The following LPP variants were observed in gnomAD, a reference collection of about 807,000 sequenced individuals.
LPP encodes the protein LIM domain containing preferred translocation partner in lipoma.
In LPP, 38 loss-of-function variants were observed where a neutral mutation model predicts 60.4. The observed-to-expected ratio is 0.63, with a 90% confidence interval of 0.49 to 0.83. The LOEUF (loss-of-function observed/expected upper bound fraction) is 0.83. LPP is among the 40% of genes least tolerant of loss of function. The pLI, the probability that LPP is intolerant of heterozygous loss-of-function variation, is 0.00. For synonymous variants in LPP, 328 were observed against 290.8 expected (o/e 1.13, Z -1.30); for missense variants, 902 against 783.6 (o/e 1.15, Z -1.80).
chr3:188,808,124 C>G (rs2151268848), intron 9 of LPP, among the ~76,000 whole-genome samples: 1 of 152,154 alleles, frequency 6.6e-6, no homozygotes, highest in South Asian at 2.1e-4. Flanking sequence ...TTTCAAATAT[C>G]TCTAATGTTA....
At chr3:188,586,188 G>A (rs1456388004) in intron 6 of LPP, among the ~76,000 whole-genome samples, 3 of 152,066 alleles carry the variant, frequency 2.0e-5, no homozygotes, top group Non-Finnish European at 4.4e-5. Flanking sequence ...CCTGTTTTAC[G>A]TTGAGTGCAG....
intron 5 of LPP, among the ~76,000 whole-genome samples, chr3:188,518,721 A>G (rs1180050800): frequency 6.6e-6 from 1 of 152,194 alleles, no homozygotes; most frequent in African/African-American, 2.4e-5. Flanking sequence ...GTTCATGGTC[A>G]TGTATGTTTT....
At chr3:188,861,545 G>A (rs1254340211) in intron 9 of LPP, among the ~76,000 whole-genome samples, 1 of 152,028 alleles carries the variant, frequency 6.6e-6, no homozygotes, top group Non-Finnish European at 1.5e-5. Context: ...ATATACCTAT[G>A]TAATATGTAA....
rs1039099395 is a variant in LPP, at chr3:188,518,606, C to T, written c.307-6059C>T. Among the ~76,000 whole-genome samples the T allele has an allele frequency of 2.0e-5, 3 of 152,176 alleles. No individual in the cohort carries two copies. The South Asian group carries it at 6.2e-4, about 32-fold the overall frequency. On this transcript the variant is annotated intron_variant, in intron 5 of 11. Transcript: ENST00000617246. ...GGATTATGTGGTTACTTTCTCAGGTCTGTAATTGAGCAGTCACATTCAAAT... is the reference window on the plus strand; with the variant it reads ...GGATTATGTGGTTACTTTCTCAGGTTTGTAATTGAGCAGTCACATTCAAAT...
intron 2 of LPP, among the ~76,000 whole-genome samples, chr3:188,267,026 CCTGCTTTGCTTTT>C: frequency 6.6e-6 from 1 of 152,158 alleles, no homozygotes; most frequent in Admixed American, 6.6e-5. Context: ...TCTCCTCTTT[CCTGCTTTGCTTTT>C]CTGCTTCCAA....
At position 188,887,861 on chromosome 3, in the gene LPP, C is replaced by A. The variant is rs1028717297; in HGVS notation, c.*13382C>A. 10 of 212,022 alleles carry A rather than the reference C, an allele frequency of 4.7e-5. No individual in the cohort carries two copies. Among genetic ancestry groups the A allele is most frequent in the Admixed American group, 2.3e-4 (4 of 17,034 alleles). 13.1% of individuals were successfully genotyped at this position (212,022 alleles called of 1,614,324 possible). A position where few individuals can be genotyped will look rare whatever the true frequency, so the allele number is the denominator to read the frequency against. ...CTACCCATTTCCTCTCTTGGGAAAG[C>A]TGATGAGCAAATTATCCAAGACTCA... On this transcript the variant is annotated 3_prime_UTR_variant, in exon 12 of 12. Coordinates refer to ENST00000617246, the MANE Select transcript of LPP (RefSeq NM_001375462.1).
At chr3:188,164,874 A>G (rs906900280) in intron 1 of LPP, among the ~76,000 whole-genome samples, 4 of 152,124 alleles carry the variant, frequency 2.6e-5, no homozygotes. Flanking sequence ...AGAATTAGTG[A>G]TATGTTACTC....
chr3:188,529,703 A>G (rs112333851), intron 6 of LPP, among the ~76,000 whole-genome samples: 17 of 152,186 alleles, frequency 1.1e-4, no homozygotes, highest in African/African-American at 4.1e-4. Flanking sequence ...CCACATATTC[A>G]TTGATTCATT....
At chr3:188,425,020 G>A (rs1410364189) in intron 4 of LPP, among the ~76,000 whole-genome samples, 2 of 152,144 alleles carry the variant, frequency 1.3e-5, no homozygotes, top group Non-Finnish European at 2.9e-5. Context: ...CTTGTCTTGT[G>A]CTGGTTTTCA....
At chr3:188,191,632 G>T (rs1728201522) in intron 1 of LPP, among the ~76,000 whole-genome samples, 1 of 152,214 alleles carries the variant, frequency 6.6e-6, no homozygotes, top group African/African-American at 2.4e-5. Flanking sequence ...AGGTCAGCCA[G>T]TGAGCAAACA....
chr3:188,258,227 ATTTGAG>A (rs1434505197), intron 2 of LPP, among the ~76,000 whole-genome samples: 2 of 152,210 alleles, frequency 1.3e-5, no homozygotes, highest in Non-Finnish European at 1.5e-5. Flanking sequence ...CTTCCCATTT[ATTTGAG>A]TTCTTACTTC....
At chr3:188,406,429 G>A in intron 4 of LPP, 116 bp downstream of exon 4, 1 of 937,194 alleles carries the variant, frequency 1.1e-6, no homozygotes, top group Non-Finnish European at 1.6e-6. Flanking sequence ...CAGCGTGGGT[G>A]TCATAGGCTA....
At chr3:188,540,361 A>C (rs903273374) in intron 6 of LPP, among the ~76,000 whole-genome samples, 2 of 152,190 alleles carry the variant, frequency 1.3e-5, no homozygotes, top group African/African-American at 4.8e-5. Context: ...GGAGTTGATG[A>C]TATACAACCC....
chr3:188,535,154 C>A (rs1823224610), intron 6 of LPP, among the ~76,000 whole-genome samples: 1 of 152,160 alleles, frequency 6.6e-6, no homozygotes, highest in South Asian at 2.1e-4. Flanking sequence ...TTGGGTCCTG[C>A]ACTCACACTC....
chr3:188,446,610 G>A (rs567400700), intron 4 of LPP, among the ~76,000 whole-genome samples: 76 of 152,022 alleles, frequency 5.0e-4, no homozygotes, highest in African/African-American at 1.7e-3. Flanking sequence ...AATTTTTCAC[G>A]GACTGATGAA....
intron 7 of LPP, among the ~76,000 whole-genome samples, chr3:188,706,698 C>T (rs1865544197): frequency 1.3e-5 from 2 of 152,228 alleles, no homozygotes; most frequent in South Asian, 2.1e-4. Flanking sequence ...CGTCCAAGAG[C>T]TCACTTGGTG....
intron 9 of LPP, among the ~76,000 whole-genome samples, chr3:188,768,895 T>A (rs947392126): frequency 6.6e-6 from 1 of 152,170 alleles, no homozygotes; most frequent in Non-Finnish European, 1.5e-5. Flanking sequence ...TGGCATTCTA[T>A]TATTTGTATT....
intron 2 of LPP, among the ~76,000 whole-genome samples, chr3:188,339,388 A>G (rs1293032091): frequency 6.6e-6 from 1 of 152,214 alleles, no homozygotes; most frequent in African/African-American, 2.4e-5. Context: ...GCTTAAAATG[A>G]GACTGATTGG....
intron 3 of LPP, among the ~76,000 whole-genome samples, chr3:188,395,593 A>G (rs1214689940): frequency 2.0e-5 from 3 of 152,152 alleles, no homozygotes; most frequent in Admixed American, 6.6e-5. Flanking sequence ...ATTAAACTGG[A>G]AACTTTAATT....
Sources: allele counts gnomAD v4.1 joint callset (sites outside exome capture counted in the v4.1 genomes callset), GRCh38; gene constraint gnomAD v4.1.1; transcripts MANE v1.5; gene names NCBI Gene and HGNC (gene_info 2026-07-23, HGNC 2026-07-21).